Variants in ELK4 observed in about 807,000 individuals in gnomAD.
ELK4 encodes ETS transcription factor ELK4.
Under a neutral mutation model 29.6 loss-of-function variants are expected in ELK4, and 16 were observed. That is an observed-to-expected ratio of 0.54 (90% CI 0.37 to 0.82). ELK4 has a LOEUF of 0.82. Among genes scored for constraint, ELK4 ranks in the 40% least tolerant of loss-of-function variants. The pLI is 0.00. For missense variants in ELK4, 465 were observed against 507.1 expected (o/e 0.92, Z 0.80); for synonymous variants, 213 against 191.1 (o/e 1.11, Z -0.95).
chr1:205,614,235 T>C lies in ELK4; in HGVS notation c.*2311A>G, dbSNP rs1670196026. The stretch of plus-strand genomic sequence containing the variant: ...GGTGCCCTTGGTTCCAAGGTACCTC[T>C]GTGCTGAGACAGTTAATTATTAAAA... On this transcript the variant is annotated 3_prime_UTR_variant, in exon 5 of 5. Coordinates refer to ENST00000357992, the MANE Select transcript of ELK4 (RefSeq NM_001973.4). 4.5e-6 allele frequency: 1 copy of C among 220,446 alleles called. No homozygotes were observed. Among genetic ancestry groups the C allele is most frequent in the Non-Finnish European group, 9.1e-6 (1 of 109,952 alleles). 13.7% of individuals were successfully genotyped at this position (220,446 alleles called of 1,614,324 possible). A position where few individuals can be genotyped will look rare whatever the true frequency, so the allele number is the denominator to read the frequency against.
rs1670170832 is a variant in ELK4 at position 205,612,709 on chromosome 1, ATG to A, written c.*3835_*3836del. 4.8e-6 allele frequency: 1 copy of A among 209,572 alleles called. No homozygotes were observed. The highest frequency in any genetic ancestry group is 9.7e-6 in the Non-Finnish European group (1 of 103,162). The allele number at this position is 209,572 out of a possible 1,614,324, so 13.0% of individuals were successfully genotyped here. A position where few individuals can be genotyped will look rare whatever the true frequency, so the allele number is the denominator to read the frequency against. The stretch of plus-strand genomic sequence containing the variant: ...TAGAAAGTCAGATCAGGATGAAACA[ATG>A]TTGTCAGACTGGACGTCACACAATG... On this transcript the variant is annotated 3_prime_UTR_variant, in exon 5 of 5. Coordinates refer to ENST00000357992, the MANE Select transcript of ELK4 (RefSeq NM_001973.4).
At chr1:205,630,278 C>T (rs1057331555) in intron 1 of ELK4, among the ~76,000 whole-genome samples, 22 of 152,150 alleles carry the variant, frequency 1.4e-4, no homozygotes, top group Non-Finnish European at 2.9e-4. Flanking sequence ...TATTTTAACA[C>T]TTCAAAGATA....
At chr1:205,619,336 G>T in intron 3 of ELK4, 1 of 1,069,972 alleles carries the variant, frequency 9.3e-7, no homozygotes, top group Non-Finnish European at 1.1e-6. Flanking sequence ...ACATGGATGA[G>T]TTCTTTGGTG....
intron 2 of ELK4, among the ~76,000 whole-genome samples, chr1:205,623,312 C>CT (rs1224816064): frequency 0.032 from 4,460 of 137,340 alleles, 258 homozygotes; most frequent in African/African-American, 0.11. Context: ...AACAAGGAAT[C>CT]TTTTTTTTTT....
intron 4 of ELK4, 114 bp from the exon 5 acceptor site, chr1:205,616,758 G>A: frequency 1.3e-6 from 1 of 760,372 alleles, no homozygotes; most frequent in South Asian, 2.3e-5. Flanking sequence ...TGGCTCACAG[G>A]ACAAAGGCAG....
In ELK4 at chr1:205,620,865, T is replaced by C. The variant is rs537102035; in HGVS notation, c.208-27A>G. 2.2e-4 allele frequency: 339 copies of C among 1,567,310 alleles called. 1 individual carries two copies. The highest frequency in any genetic ancestry group is 6.8e-4 in the Middle Eastern group (4 of 5,878). ...TGTAGGTTAAAAAAAAAAGCATTTT[T>C]ATCCTTTCTTATAAACTTATATCCC... On this transcript the variant is annotated intron_variant, in intron 2 of 4. Coordinates refer to ENST00000357992, the MANE Select transcript of ELK4 (RefSeq NM_001973.4).
chr1:205,615,449 G>A lies in ELK4; in HGVS notation c.*1097C>T, dbSNP rs1170784049. 1 of 176,654 alleles carries A rather than the reference G, an allele frequency of 5.7e-6. No homozygotes were observed. 10.9% of individuals were successfully genotyped at this position (176,654 alleles called of 1,614,324 possible). The stretch of plus-strand genomic sequence containing the variant: ...GCACATCTTCGCTCCTGACTGGGGA[G>A]GCTTCACTTTGAATTCTACCTTCCT... On this transcript the variant is annotated 3_prime_UTR_variant, in exon 5 of 5. Coordinates refer to ENST00000357992, the MANE Select transcript of ELK4 (RefSeq NM_001973.4).
intron 1 of ELK4, 48 bp from the exon 2 acceptor site, chr1:205,623,939 T>C (rs772255657): frequency 6.6e-6 from 10 of 1,521,084 alleles, no homozygotes; most frequent in Non-Finnish European, 9.1e-6. Flanking sequence ...AGCCAACACC[T>C]ATTTAACACT....
chr1:205,628,871 T>TAA lies in ELK4; in HGVS notation c.-10+2759_-10+2760dup, dbSNP rs5780290. 6.7e-3 allele frequency among the ~76,000 whole-genome samples: 994 copies of TAA among 148,058 alleles called. 7 individuals are homozygous for TAA. The highest frequency in any genetic ancestry group is 0.018 in the African/African-American group (712 of 40,474). On this transcript the variant is annotated intron_variant, in intron 1 of 4. Coordinates refer to ENST00000357992, the MANE Select transcript of ELK4 (RefSeq NM_001973.4). ...GTCTACGATAGAAGGTTGAGGACAG[T>TAA]AAAAAAAAAAAAATGGCTTTGGCCG...
At position 205,612,771 on chromosome 1, in the gene ELK4, A is replaced by C; in HGVS notation, c.*3775T>G. The stretch of plus-strand genomic sequence containing the variant: ...ATGGAACTGAAGTGATACTATCAAC[A>C]GCCTGGAGTTACAGCTCCAGAATTC... On this transcript the variant is annotated 3_prime_UTR_variant, in exon 5 of 5. Coordinates refer to ENST00000357992, the MANE Select transcript of ELK4 (RefSeq NM_001973.4). 1 of 209,988 alleles carries C rather than the reference A, an allele frequency of 4.8e-6. No homozygotes were observed. The highest frequency in any genetic ancestry group is 2.3e-5 in the African/African-American group (1 of 44,188). 13.0% of individuals were successfully genotyped at this position (209,988 alleles called of 1,614,324 possible).
At position 205,608,532 on chromosome 1, in the gene ELK4, T is replaced by C. The variant is rs1224605976; in HGVS notation, c.*8014A>G. On this transcript the variant is annotated 3_prime_UTR_variant, in exon 5 of 5. Coordinates refer to ENST00000357992, the MANE Select transcript of ELK4 (RefSeq NM_001973.4). ...CAACTAACATGAAGTTTAATAAATGTTAGCAGTGACCATTTTAATTGCTTT... is the reference window on the plus strand; with the variant it reads ...CAACTAACATGAAGTTTAATAAATGCTAGCAGTGACCATTTTAATTGCTTT... The C allele has an allele frequency of 5.0e-6, 1 of 199,018 alleles. No individual in the cohort carries two copies. The highest frequency in any genetic ancestry group is 1.0e-5 in the Non-Finnish European group (1 of 96,322). The allele number at this position is 199,018 out of a possible 1,614,324, so 12.3% of individuals were successfully genotyped here.
At chr1:205,625,669 G>C in intron 1 of ELK4, 1 of 855,680 alleles carries the variant, frequency 1.2e-6, no homozygotes, top group South Asian at 1.4e-5. Flanking sequence ...CAGTTCTGCT[G>C]CTGCTGCTTC....
chr1:205,626,520 A>T (rs1309768889), intron 1 of ELK4, among the ~76,000 whole-genome samples: 3 of 152,040 alleles, frequency 2.0e-5, no homozygotes, highest in Non-Finnish European at 4.4e-5. Flanking sequence ...GTTGGAAGGG[A>T]CTGAAATTGC....
intron 2 of ELK4, among the ~76,000 whole-genome samples, chr1:205,622,119 C>G (rs1470239222): frequency 6.6e-6 from 1 of 151,978 alleles, no homozygotes; most frequent in Non-Finnish European, 1.5e-5. Flanking sequence ...GAGGCTGAGG[C>G]AGGTGAATCA....
chr1:205,620,571 TGGA>T lies in ELK4; in HGVS notation c.472_474del (p.Ser158del). 6.2e-7 allele frequency: 1 copy of T among 1,614,144 alleles called. No individual in the cohort carries two copies. The highest frequency in any genetic ancestry group is 8.5e-7 in the Non-Finnish European group (1 of 1,180,038). ...TTTATCAATTTGAAAAGCTTTACAT[TGGA>T]GGAGTTCAAAGAGTTGAGAGTAAAT... On this transcript the variant is annotated inframe_deletion, in exon 3 of 5. Transcript: ENST00000357992.
chr1:205,613,073 T>TAAA lies in ELK4; in HGVS notation c.*3470_*3472dup. On this transcript the variant is annotated 3_prime_UTR_variant, in exon 5 of 5. Transcript: ENST00000357992. ...AATCCAGATTGTTTGTGCATACATT[T>TAAA]AAAAAAAAAAAAATCAATGGAAATT... 1 of 181,756 alleles carries TAAA rather than the reference T, an allele frequency of 5.5e-6. No individual in the cohort carries two copies. Among genetic ancestry groups the TAAA allele is most frequent in the Non-Finnish European group, 1.1e-5 (1 of 88,264 alleles). The allele number at this position is 181,756 out of a possible 1,614,324, so 11.3% of individuals were successfully genotyped here.
chr1:205,631,067 T>C (rs376650830), intron 1 of ELK4, among the ~76,000 whole-genome samples: 1 of 152,222 alleles, frequency 6.6e-6, no homozygotes, highest in African/African-American at 2.4e-5. Flanking sequence ...ATGTTTCCAA[T>C]TGATCTTCCC....
chr1:205,621,212 A>G (rs890365330), intron 2 of ELK4, among the ~76,000 whole-genome samples: 2 of 150,808 alleles, frequency 1.3e-5, no homozygotes, highest in Non-Finnish European at 3.0e-5. Context: ...AAAAAAAAAA[A>G]AAAAAAAGAA....
intron 1 of ELK4, among the ~76,000 whole-genome samples, chr1:205,628,209 G>A (rs1267966451): frequency 6.6e-6 from 1 of 152,218 alleles, no homozygotes; most frequent in Non-Finnish European, 1.5e-5. Context: ...TAAGTATGGT[G>A]GAAGCAGGCA....
Sources: gnomAD v4.1 joint callset for allele counts (sites outside exome capture counted in the v4.1 genomes callset) on GRCh38, gnomAD v4.1.1 for gene constraint, MANE v1.5 for transcripts, NCBI Gene and HGNC (gene_info 2026-07-23, HGNC 2026-07-21) for gene names.